SAMD15: variants seen among roughly 807,000 people sequenced by gnomAD.
SAMD15 encodes the protein sterile alpha motif domain-containing protein 15.
Under a neutral mutation model 50.5 loss-of-function variants are expected in SAMD15, and 37 were observed. The ratio of observed to expected loss-of-function variants is 0.73; its 90% CI spans 0.56 to 0.96. The LOEUF is 0.96. SAMD15 is among the 40% of genes least tolerant of loss of function. The pLI is 0.00. For missense variants in SAMD15, 789 were observed against 783.8 expected, an observed-to-expected ratio of 1.01 and a Z score of -0.08; for synonymous variants, 255 against 282.8, an observed-to-expected ratio of 0.90 and a Z score of 0.99.
intron 2 of SAMD15, among the ~76,000 whole-genome samples, chr14:77,380,813 T>C (rs1466986207): frequency 6.6e-6 from 1 of 152,162 alleles, no homozygotes; most frequent in Non-Finnish European, 1.5e-5. Context: ...GCCCTGCTTT[T>C]ATGCTCTCAC....
intron 2 of SAMD15, among the ~76,000 whole-genome samples, chr14:77,382,855 A>C (rs1464402324): frequency 6.6e-6 from 1 of 152,086 alleles, no homozygotes; most frequent in Non-Finnish European, 1.5e-5. Flanking sequence ...AGCTGGGATT[A>C]CAGGCACGTG....
Position 77,377,790 on chromosome 14 carries a change from C to T in SAMD15, c.372C>T (p.Ala124=), listed in dbSNP as rs61729329. The T allele has an allele frequency of 8.8e-5, 142 of 1,613,942 alleles. No homozygotes were observed. The African/African-American group carries it at 1.6e-3, about 18-fold the overall frequency. Residue 124 remains alanine, a synonymous_variant, in exon 1 of 3, where the codon GCC becomes GCT. Transcript: ENST00000216471. Reference sequence around the variant, plus strand: ...GAGAGTTTTTCAAAGATTTGGAGGCCCCTATGGATGAAACGCATAAAGAGT... The same window carrying T: ...GAGAGTTTTTCAAAGATTTGGAGGCTCCTATGGATGAAACGCATAAAGAGT... ...EMGEFFKDLE[A]PMDETHKESD... is the part of the protein sequence containing the mutation.
rs370945536 is a variant in SAMD15, at chr14:77,378,658, G to T, written c.1240G>T (p.Glu414Ter). The T allele has an allele frequency of 4.3e-6, 7 of 1,613,970 alleles. No individual in the cohort carries two copies. The highest frequency in any genetic ancestry group is 2.2e-5 in the East Asian group (1 of 44,896). Residue 414 changes from glutamate to a stop codon, truncating the protein, a stop_gained, in exon 1 of 3, where the codon GAG becomes TAG. Coordinates refer to ENST00000216471, the MANE Select transcript of SAMD15 (RefSeq NM_001010860.4). LOFTEE classifies it high-confidence loss of function. ...GTTACCAGATGAAACCAAACCAAGGGAGACACATGTAGAATTTTCCAAGGA... is the reference window on the plus strand; with the variant it reads ...GTTACCAGATGAAACCAAACCAAGGTAGACACATGTAGAATTTTCCAAGGA... Reference protein sequence around the residue: ...LELPDETKPRETHVEFSKEDR... With the variant: ...LELPDETKPR
At position 77,378,895 on chromosome 14, in the gene SAMD15, T is replaced by C. The variant is rs370482939; in HGVS notation, c.1477T>C (p.Ser493Pro). ...ATTGCTTAATGTCAGTGAAGAATGC[T>C]CATACTCAGATCCCTCAGAGTCTCA... ...QKLLNVSEEC[S>P]YSDPSESQTE... The change falls in exon 1 of 3, where the codon TCA (serine) becomes CCA (proline). Residue 493 changes from serine to proline, a missense_variant. By Grantham distance (74) the Ser-to-Pro change is moderately conservative. Transcript: ENST00000216471. The C allele has an allele frequency of 1.9e-6, 3 of 1,614,074 alleles. No individual in the cohort carries two copies. Among genetic ancestry groups the C allele is most frequent in the Non-Finnish European group, 2.5e-6 (3 of 1,179,962 alleles).
Position 77,378,533 on chromosome 14 carries a change from A to G in SAMD15, c.1115A>G (p.Asn372Ser). The change falls in exon 1 of 3, where the codon AAT becomes AGT. Residue 372 changes from asparagine to serine, a missense_variant. Asn to Ser is a conservative substitution (Grantham distance 46). This residue lies in a region of SAMD15 where 770 missense variants were observed against 745.4 expected (regional missense o/e 1.03). Coordinates refer to ENST00000216471, the MANE Select transcript of SAMD15 (RefSeq NM_001010860.4). ...EEIRKSNEKKNPQPPEETGPV... is the reference protein window; with the variant it reads ...EEIRKSNEKKSPQPPEETGPV... ...ATAAGAAAGTCAAATGAGAAAAAAA[A>G]TCCACAGCCACCAGAGGAGACTGGT... 2 of 1,613,604 alleles carry G rather than the reference A, an allele frequency of 1.2e-6. No homozygotes were observed. The highest frequency in any genetic ancestry group is 4.5e-5 in the East Asian group (2 of 44,886).
chr14:77,377,909 C>T lies in SAMD15; in HGVS notation c.491C>T (p.Pro164Leu). The T allele has an allele frequency of 6.2e-7, 1 of 1,614,020 alleles. No individual in the cohort carries two copies. Among genetic ancestry groups the T allele is most frequent in the Non-Finnish European group, 8.5e-7 (1 of 1,179,998 alleles). Residue 164 changes from proline (P) to leucine (L), a missense_variant, in exon 1 of 3, where the codon CCA (proline) becomes CTA (leucine). Physicochemically the swap from Pro to Leu is moderately conservative, Grantham distance 98. This residue lies in a region of SAMD15 where 770 missense variants were observed against 745.4 expected (regional missense o/e 1.03). Coordinates refer to ENST00000216471, the MANE Select transcript of SAMD15 (RefSeq NM_001010860.4). ...GAAACAGATCCAGATCCAGTGCCAC[C>T]AACGGAAACCATGTCTGAGGTTTCG... is the stretch of plus-strand genomic sequence containing the variant. ...AMETDPDPVP[P>L]TETMSEVSGA...
Position 77,377,477 on chromosome 14 carries a change from C to G in SAMD15, c.59C>G (p.Pro20Arg), listed in dbSNP as rs760830898. 1.9e-6 allele frequency: 3 copies of G among 1,614,072 alleles called. No homozygotes were observed. The highest frequency in any genetic ancestry group is 2.5e-6 in the Non-Finnish European group (3 of 1,179,990). The part of the protein sequence containing the change: ...SGPDEDGELE[P>R]ERPELPGLHK... Reference sequence around the variant, plus strand: ...CCAGATGAAGATGGAGAGCTGGAGCCTGAGAGGCCTGAACTGCCTGGACTT... The same window carrying G: ...CCAGATGAAGATGGAGAGCTGGAGCGTGAGAGGCCTGAACTGCCTGGACTT... The change falls in exon 1 of 3, where the codon CCT becomes CGT. Residue 20 changes from proline (P) to arginine (R), a missense_variant. Transcript: ENST00000216471.
In SAMD15 at chr14:77,378,042, T is replaced by A; in HGVS notation, c.624T>A (p.Pro208=). The change falls in exon 1 of 3, where the codon CCT becomes CCA. Residue 208 remains proline (P), a synonymous_variant. Coordinates refer to ENST00000216471, the MANE Select transcript of SAMD15 (RefSeq NM_001010860.4). ...AACATGAAGAGACAGGTCTAGAGCCTCCAGAGCAGACCAAACAAGATTTTC... is the reference window on the plus strand; with the variant it reads ...AACATGAAGAGACAGGTCTAGAGCCACCAGAGCAGACCAAACAAGATTTTC... The part of the protein sequence containing the change: ...RVQHEETGLE[P]PEQTKQDFPS... 6.2e-7 allele frequency: 1 copy of A among 1,613,750 alleles called. No individual in the cohort carries two copies. The highest frequency in any genetic ancestry group is 8.5e-7 in the Non-Finnish European group (1 of 1,179,970).
chr14:77,390,961 T>G, intron 2 of SAMD15, 47 bp from the exon 3 acceptor site: 1 of 1,090,164 alleles, frequency 9.2e-7, no homozygotes, highest in Non-Finnish European at 1.4e-6. Flanking sequence ...TTTGATTTGG[T>G]TGTGTTTTCA....
intron 2 of SAMD15, among the ~76,000 whole-genome samples, chr14:77,385,767 C>T (rs998736378): frequency 6.6e-6 from 1 of 152,012 alleles, no homozygotes; most frequent in East Asian, 1.9e-4. Context: ...TTCCCCACCC[C>T]CTTCAGTGAG....
intron 2 of SAMD15, among the ~76,000 whole-genome samples, chr14:77,385,655 T>C (rs994566559): frequency 1.3e-5 from 2 of 152,132 alleles, no homozygotes; most frequent in Non-Finnish European, 2.9e-5. Context: ...AAGACAGATT[T>C]ACCCAATAGA....
At chr14:77,389,019 T>C (rs1032388095) in intron 2 of SAMD15, among the ~76,000 whole-genome samples, 3 of 152,074 alleles carry the variant, frequency 2.0e-5, no homozygotes, top group Admixed American at 6.6e-5. Context: ...TTCAAGGCTA[T>C]AGTACACTAT....
chr14:77,378,499 C>T lies in SAMD15; in HGVS notation c.1081C>T (p.Pro361Ser), dbSNP rs769642055. 5 of 1,613,616 alleles carry T rather than the reference C, an allele frequency of 3.1e-6. No individual in the cohort carries two copies. The South Asian group carries it at 3.3e-5, about 11-fold the overall frequency. ...EQSEMMKPES[P>S]EEIRKSNEKK... ...ATCAGAAATGATGAAACCAGAAAGT[C>T]CAGAAGAGATAAGAAAGTCAAATGA... Residue 361 changes from proline to serine, a missense_variant, in exon 1 of 3, where the codon CCA becomes TCA. Physicochemically the swap from Pro to Ser is moderately conservative, Grantham distance 74. This residue lies in a region of SAMD15 where 770 missense variants were observed against 745.4 expected (regional missense o/e 1.03). Transcript: ENST00000216471.
rs1466245833 is a variant in SAMD15, at chr14:77,391,085, G to A, written c.1866G>A (p.Arg622=). 1.2e-6 allele frequency: 2 copies of A among 1,613,926 alleles called. No individual in the cohort carries two copies. Among genetic ancestry groups the A allele is most frequent in the Admixed American group, 1.7e-5 (1 of 60,002 alleles). ...AACGCTCCATCAGCCTTCCCTATAG[G>A]GATATTATCGGCTTATATTTAGAGC... ...LFKRSISLPY[R]DIIGLYLEQK... is the part of the protein sequence containing the mutation. The change falls in exon 3 of 3, where the codon AGG becomes AGA. Residue 622 remains arginine (R), a synonymous_variant. Coordinates refer to ENST00000216471, the MANE Select transcript of SAMD15 (RefSeq NM_001010860.4).
rs749564435 is a variant in SAMD15 at position 77,378,516 on chromosome 14, G to A, written c.1098G>A (p.Lys366=). 8.7e-6 allele frequency: 14 copies of A among 1,613,464 alleles called. No individual in the cohort carries two copies. Among genetic ancestry groups the A allele is most frequent in the South Asian group, 1.1e-5 (1 of 91,020 alleles). ...MKPESPEEIR[K]SNEKKNPQPP... ...CAGAAAGTCCAGAAGAGATAAGAAAGTCAAATGAGAAAAAAAATCCACAGC... is the reference window on the plus strand; with the variant it reads ...CAGAAAGTCCAGAAGAGATAAGAAAATCAAATGAGAAAAAAAATCCACAGC... Residue 366 remains lysine (K), a synonymous_variant, in exon 1 of 3, where the codon AAG becomes AAA. Coordinates refer to ENST00000216471, the MANE Select transcript of SAMD15 (RefSeq NM_001010860.4).
At chr14:77,380,598 ATTCCAG>A in intron 2 of SAMD15, 117 bp downstream of exon 2, 1 of 665,280 alleles carries the variant, frequency 1.5e-6, no homozygotes, top group Non-Finnish European at 2.7e-6. Context: ...TGTCATCATA[ATTCCAG>A]TTCCTCAGGC....
In SAMD15 at chr14:77,391,160, TGTC is replaced by T; in HGVS notation, c.1942_1944del (p.Val648del). ...CTGATTCCTTGACTTTATCTGAATTTGTCAAAGCAGCAGGATTACAGGATTATG... is the reference window on the plus strand; with the variant it reads ...CTGATTCCTTGACTTTATCTGAATTTAAAGCAGCAGGATTACAGGATTATG... On this transcript the variant is annotated inframe_deletion, in exon 3 of 3. Transcript: ENST00000216471. The T allele has an allele frequency of 1.2e-6, 2 of 1,614,060 alleles. 1 individual carries two copies. Among genetic ancestry groups the T allele is most frequent in the South Asian group, 2.2e-5 (2 of 91,082 alleles).
intron 2 of SAMD15, among the ~76,000 whole-genome samples, chr14:77,388,376 C>T (rs917551413): frequency 7.1e-6 from 1 of 141,084 alleles, no homozygotes; most frequent in African/African-American, 2.7e-5. Context: ...TTAGAAGCCA[C>T]CTGTTCGTGT....
rs953460792 is a variant in SAMD15 at position 77,391,908 on chromosome 14, G to A, written c.*664G>A. ...GTCTCTACTAAAAATACAAAAATTA[G>A]CTGGGCATGGTGGCACATGCCTGTA... On this transcript the variant is annotated 3_prime_UTR_variant, in exon 3 of 3. Transcript: ENST00000216471. Among the ~76,000 whole-genome samples, 1 of 152,062 alleles carries A rather than the reference G, an allele frequency of 6.6e-6. No homozygotes were observed. The highest frequency in any genetic ancestry group is 2.4e-5 in the African/African-American group (1 of 41,412).
Sources: allele counts gnomAD v4.1 joint callset (sites outside exome capture counted in the v4.1 genomes callset), GRCh38; gene constraint gnomAD v4.1.1; regional missense constraint gnomAD v4.1.1; transcripts MANE v1.5; gene names NCBI Gene and HGNC (gene_info 2026-07-23, HGNC 2026-07-21).